The following PRKG1 variants were observed in gnomAD, a reference collection of about 807,000 sequenced individuals.
The protein encoded by PRKG1 is cGMP-dependent protein kinase 1.
Under a neutral mutation model 88.1 loss-of-function variants are expected in PRKG1, and 35 were observed. The observed-to-expected ratio is 0.40, with a 90% CI of 0.30 to 0.53. PRKG1 has a LOEUF of 0.53. Among genes scored for constraint, PRKG1 ranks in the 20% least tolerant of loss-of-function variants. PRKG1 has a pLI of 0.59. For missense variants in PRKG1, 540 were observed against 839.8 expected (o/e 0.64, Z 4.41); for synonymous variants, 303 against 292.5 (o/e 1.04, Z -0.37).
intron 2 of PRKG1, among the ~76,000 whole-genome samples, chr10:51,279,863 G>A (rs985804624): frequency 6.6e-6 from 1 of 152,122 alleles, no homozygotes; most frequent in Admixed American, 6.5e-5. Flanking sequence ...GGAGCATTTA[G>A]CCCATTTACA....
intron 3 of PRKG1, among the ~76,000 whole-genome samples, chr10:51,525,485 T>A (rs1841857033): frequency 6.6e-6 from 1 of 151,232 alleles, no homozygotes; most frequent in African/African-American, 2.4e-5. Context: ...GATCACGAGG[T>A]CAGGAAATCG....
At chr10:51,796,819 G>A (rs992455200) in intron 3 of PRKG1, among the ~76,000 whole-genome samples, 1 of 152,024 alleles carries the variant, frequency 6.6e-6, no homozygotes, top group African/African-American at 2.4e-5. Flanking sequence ...AAAAGTACAG[G>A]AAAGGCAAAT....
At chr10:51,345,083 A>G (rs1057413824) in intron 2 of PRKG1, among the ~76,000 whole-genome samples, 4 of 152,222 alleles carry the variant, frequency 2.6e-5, no homozygotes, top group Admixed American at 2.0e-4. Flanking sequence ...TTGGTGAAAT[A>G]TAACCAGAGA....
chr10:51,444,735 A>G (rs1394132820), intron 2 of PRKG1, among the ~76,000 whole-genome samples: 1 of 151,952 alleles, frequency 6.6e-6, no homozygotes, highest in Non-Finnish European at 1.5e-5. Context: ...ATTTTCTCCC[A>G]AAGTCATGCT....
At chr10:52,077,160 G>A (rs112029855) in intron 7 of PRKG1, among the ~76,000 whole-genome samples, 27 of 152,146 alleles carry the variant, frequency 1.8e-4, no homozygotes, top group African/African-American at 5.3e-4. Context: ...CAACAGAAAT[G>A]TGCATCAATA....
intron 8 of PRKG1, among the ~76,000 whole-genome samples, chr10:52,157,140 A>G (rs892459239): frequency 4.0e-5 from 6 of 150,796 alleles, no homozygotes; most frequent in Non-Finnish European, 8.9e-5. Context: ...TGTTTATACA[A>G]AATTCTAAGC....
intron 3 of PRKG1, among the ~76,000 whole-genome samples, chr10:51,632,080 G>A (rs1839540358): frequency 7.5e-6 from 1 of 132,890 alleles, no homozygotes; most frequent in Admixed American, 8.6e-5. Flanking sequence ...AAACTTTCTT[G>A]AAACATTATG....
At chr10:51,161,866 A>G (rs1846372668) in intron 2 of PRKG1, among the ~76,000 whole-genome samples, 1 of 152,204 alleles carries the variant, frequency 6.6e-6, no homozygotes, top group African/African-American at 2.4e-5. Context: ...AAGTGAGAAA[A>G]AAATGTGGAT....
At chr10:51,862,420 C>G (rs936503545) in intron 4 of PRKG1, among the ~76,000 whole-genome samples, 1 of 152,062 alleles carries the variant, frequency 6.6e-6, no homozygotes, top group African/African-American at 2.4e-5. Context: ...GAAGAATGAC[C>G]ACAGAGTGAG....
intron 3 of PRKG1, among the ~76,000 whole-genome samples, chr10:51,794,975 A>G (rs748821253): frequency 6.6e-6 from 1 of 152,132 alleles, no homozygotes; most frequent in Non-Finnish European, 1.5e-5. Context: ...CAAACATAAC[A>G]AAGTTTCATT....
intron 3 of PRKG1, among the ~76,000 whole-genome samples, chr10:51,748,046 A>G (rs1252609579): frequency 6.6e-6 from 1 of 152,174 alleles, no homozygotes; most frequent in East Asian, 1.9e-4. Context: ...TTGTCTTTCT[A>G]CTAGTTCAAG....
chr10:52,188,012 C>T (rs892747304), intron 9 of PRKG1, among the ~76,000 whole-genome samples: 2 of 151,884 alleles, frequency 1.3e-5, no homozygotes, highest in Admixed American at 6.6e-5. Context: ...TATTGTAAAA[C>T]AGTAGACTTT....
intron 4 of PRKG1, among the ~76,000 whole-genome samples, chr10:51,857,891 T>C (rs1840723224): frequency 6.6e-6 from 1 of 151,098 alleles, no homozygotes; most frequent in Non-Finnish European, 1.5e-5. Flanking sequence ...GGTGAAAACA[T>C]GCTAAGCAGA....
intron 7 of PRKG1, among the ~76,000 whole-genome samples, chr10:52,080,887 A>G (rs570653275): frequency 6.6e-6 from 1 of 152,206 alleles, no homozygotes; most frequent in African/African-American, 2.4e-5. Context: ...AGCTGTCCAG[A>G]GTGTTGATTA....
At chr10:52,189,668 C>A (rs554418321) in intron 9 of PRKG1, among the ~76,000 whole-genome samples, 1 of 152,280 alleles carries the variant, frequency 6.6e-6, no homozygotes, top group East Asian at 1.9e-4. Context: ...TTCTACAAAA[C>A]CAGTCCCTGA....
intron 4 of PRKG1, among the ~76,000 whole-genome samples, chr10:51,848,633 C>CTGTGTG (rs35222566): frequency 0.013 from 1,892 of 145,174 alleles, 37 homozygotes; most frequent in African/African-American, 0.043. Flanking sequence ...GTGTCTGTAT[C>CTGTGTG]TGTGTGTGTG....
intron 4 of PRKG1, among the ~76,000 whole-genome samples, chr10:51,884,444 C>CAAAAAAAAA (rs57229967): frequency 5.7e-4 from 40 of 70,018 alleles, no homozygotes; most frequent in South Asian, 1.6e-3. Context: ...AACTCCGTCT[C>CAAAAAAAAA]AAAAAAAAAA....
chr10:51,978,420 C>G (rs887816434), intron 5 of PRKG1, among the ~76,000 whole-genome samples: 7 of 89,600 alleles, frequency 7.8e-5, no homozygotes, highest in Admixed American at 2.1e-4. Flanking sequence ...TTAGGATTGC[C>G]TTGGCCATTC....
chr10:51,281,132 G>A (rs543365396), intron 2 of PRKG1, among the ~76,000 whole-genome samples: 66 of 151,660 alleles, frequency 4.4e-4, no homozygotes, highest in African/African-American at 1.3e-3. Context: ...CGTCCACTCC[G>A]ACCCTGTTTG....
Sources: allele counts gnomAD v4.1 joint callset (sites outside exome capture counted in the v4.1 genomes callset), GRCh38; gene constraint gnomAD v4.1.1; transcripts MANE v1.5; gene names NCBI Gene and HGNC (gene_info 2026-07-23, HGNC 2026-07-21).